Variants in ST18 observed in about 807,000 individuals in gnomAD.
ST18 encodes the protein suppression of tumorigenicity 18 protein.
A neutral mutation model predicts 110.0 loss-of-function variants in ST18; 50 were observed. That is an observed-to-expected ratio of 0.45 (90% CI 0.36 to 0.58). The LOEUF (loss-of-function observed/expected upper bound fraction) is 0.58. ST18 is among the 20% of genes least tolerant of loss of function. The pLI, the probability that ST18 is intolerant of heterozygous loss-of-function variation, is 0.00. For missense variants in ST18, 1,306 were observed against 1,280.1 expected (o/e 1.02, Z -0.31); for synonymous variants, 461 against 452.4 (o/e 1.02, Z -0.24).
chr8:52,120,485 T>A (rs1188982915), intron 23 of ST18, among the ~76,000 whole-genome samples: 1 of 152,146 alleles, frequency 6.6e-6, no homozygotes, highest in African/African-American at 2.4e-5. Flanking sequence ...GATGCACTCC[T>A]TTCAAGACTT....
chr8:52,388,550 G>A (rs1837804029), intron 2 of ST18, among the ~76,000 whole-genome samples: 1 of 152,200 alleles, frequency 6.6e-6, no homozygotes, highest in Admixed American at 6.5e-5. Context: ...ATAAAGTGTT[G>A]AGTATTGGTC....
chr8:52,341,368 A>G (rs573713715), intron 2 of ST18, among the ~76,000 whole-genome samples: 17 of 152,218 alleles, frequency 1.1e-4, no homozygotes, highest in Non-Finnish European at 2.4e-4. Flanking sequence ...GAAAGAATCT[A>G]AAATGTCTAA....
intron 13 of ST18, among the ~76,000 whole-genome samples, chr8:52,161,947 C>T (rs752314114): frequency 2.4e-4 from 36 of 152,210 alleles, no homozygotes; most frequent in Non-Finnish European, 3.8e-4. Flanking sequence ...CGGTGGCTTA[C>T]GCCTATAATC....
intron 2 of ST18, among the ~76,000 whole-genome samples, chr8:52,289,850 G>A (rs2095527984): frequency 1.3e-5 from 2 of 152,082 alleles, no homozygotes; most frequent in South Asian, 4.2e-4. Context: ...TATCTACAGG[G>A]TTGCTACTCG....
At chr8:52,252,134 A>C (rs1167714758) in intron 2 of ST18, among the ~76,000 whole-genome samples, 2 of 152,100 alleles carry the variant, frequency 1.3e-5, no homozygotes, top group African/African-American at 4.8e-5. Flanking sequence ...TTATTTATGC[A>C]TACATAGTTT....
At chr8:52,349,476 C>T (rs7386237) in intron 2 of ST18, among the ~76,000 whole-genome samples, 119,602 of 152,148 alleles carry the variant, frequency 0.79, 50,397 homozygotes, top group Non-Finnish European at 0.93. Context: ...AGTTTGAGCT[C>T]ATCCCACCCA....
At chr8:52,350,260 T>C (rs942978799) in intron 2 of ST18, among the ~76,000 whole-genome samples, 3 of 152,152 alleles carry the variant, frequency 2.0e-5, no homozygotes, top group African/African-American at 2.4e-5. Flanking sequence ...TCCCAATCCT[T>C]CTATTCTATG....
intron 2 of ST18, among the ~76,000 whole-genome samples, chr8:52,235,025 G>A (rs2092404009): frequency 6.6e-6 from 1 of 151,942 alleles, no homozygotes; most frequent in Admixed American, 6.6e-5. Flanking sequence ...CATACTGCTT[G>A]GGTGATGGGT....
At chr8:52,149,079 C>T (rs1181958302) in intron 16 of ST18, among the ~76,000 whole-genome samples, 1 of 152,226 alleles carries the variant, frequency 6.6e-6, no homozygotes, top group Non-Finnish European at 1.5e-5. Context: ...TAGTCCATGG[C>T]TAATCAGGCC....
intron 2 of ST18, among the ~76,000 whole-genome samples, chr8:52,308,943 T>C (rs935944672): frequency 8.5e-5 from 13 of 152,224 alleles, no homozygotes; most frequent in Admixed American, 7.2e-4. Flanking sequence ...CAGATGGGCA[T>C]ATTCTCTTTC....
At chr8:52,357,552 A>G (rs1823307896) in intron 2 of ST18, among the ~76,000 whole-genome samples, 1 of 150,634 alleles carries the variant, frequency 6.6e-6, no homozygotes, top group South Asian at 2.1e-4. Flanking sequence ...GATGAAATAA[A>G]ATATAAGACA....
chr8:52,380,951 G>A (rs1438880477), intron 2 of ST18, among the ~76,000 whole-genome samples: 56 of 152,164 alleles, frequency 3.7e-4, no homozygotes, highest in Non-Finnish European at 2.9e-5. Flanking sequence ...ATGCTCACAG[G>A]CAGGGCCCCT....
chr8:52,234,005 A>C (rs900967049), intron 2 of ST18, among the ~76,000 whole-genome samples: 94 of 152,110 alleles, frequency 6.2e-4, no homozygotes, highest in African/African-American at 2.2e-3. Flanking sequence ...AGTCCCCACA[A>C]CCCCAGCCTC....
intron 11 of ST18, among the ~76,000 whole-genome samples, chr8:52,166,060 A>G (rs1303476038): frequency 6.6e-6 from 1 of 152,122 alleles, no homozygotes; most frequent in Non-Finnish European, 1.5e-5. Flanking sequence ...GTATATTCCC[A>G]TTGCGAGAGG....
At chr8:52,166,386 C>T (rs1027661226) in intron 11 of ST18, among the ~76,000 whole-genome samples, 1 of 152,186 alleles carries the variant, frequency 6.6e-6, no homozygotes, top group Non-Finnish European at 1.5e-5. Context: ...GGGCACTGTT[C>T]TTCTGCCCTG....
intron 9 of ST18, among the ~76,000 whole-genome samples, chr8:52,173,631 T>C (rs2065810156): frequency 6.6e-6 from 1 of 151,764 alleles, no homozygotes; most frequent in Non-Finnish European, 1.5e-5. Flanking sequence ...CCCAGGCACG[T>C]GGGGTGTGCC....
rs1187466935 is a variant in ST18 at position 52,289,783 on chromosome 8, T to A, written c.-464-59706A>T. Among the ~76,000 whole-genome samples the A allele has an allele frequency of 2.6e-5, 4 of 152,182 alleles. No individual in the cohort carries two copies. The East Asian group carries it at 7.7e-4, about 29-fold the overall frequency. On this transcript the variant is annotated intron_variant, in intron 2 of 25. Transcript: ENST00000689386. ...AGCTTCTCTTTGACGTCCATCCCAG[T>A]GGTGGGAAGCAGGAGCCACATGGAG...
chr8:52,322,556 C>T (rs545858127), intron 2 of ST18, among the ~76,000 whole-genome samples: 3 of 152,214 alleles, frequency 2.0e-5, no homozygotes, highest in Non-Finnish European at 4.4e-5. Flanking sequence ...TCCTGACACA[C>T]TCTTTTCAAT....
chr8:52,286,075 GT>G (rs2095467537), intron 2 of ST18, among the ~76,000 whole-genome samples: 1 of 152,174 alleles, frequency 6.6e-6, no homozygotes. Flanking sequence ...GCCAAAAGGA[GT>G]TTGTTTTTGC....
Sources: allele counts gnomAD v4.1 joint callset (sites outside exome capture counted in the v4.1 genomes callset), GRCh38; gene constraint gnomAD v4.1.1; transcripts MANE v1.5; gene names NCBI Gene and HGNC (gene_info 2026-07-23, HGNC 2026-07-21).